Variants in PRKN observed in about 807,000 individuals in gnomAD.
PRKN encodes the protein E3 ubiquitin-protein ligase parkin.
A neutral mutation model predicts 59.5 loss-of-function variants in PRKN; 56 were observed. The ratio of observed to expected loss-of-function variants is 0.94; its 90% confidence interval spans 0.76 to 1.18. The LOEUF (loss-of-function observed/expected upper bound fraction) is 1.18. Among genes scored for constraint, PRKN ranks in the 50% most tolerant of loss-of-function variants. PRKN has a pLI of 0.00. For synonymous variants in PRKN, 250 were observed against 222.1 expected, an observed-to-expected ratio of 1.13 and a Z score of -1.12; for missense variants, 657 against 596.4, an observed-to-expected ratio of 1.10 and a Z score of -1.06.
At chr6:162,424,660 G>A (rs550692436) in intron 2 of PRKN, among the ~76,000 whole-genome samples, 11 of 151,744 alleles carry the variant, frequency 7.2e-5, no homozygotes, top group East Asian at 3.9e-4. Flanking sequence ...GCTTGAACCC[G>A]GGAGGTGGAG....
At chr6:162,474,768 G>C (rs975504220) in intron 1 of PRKN, among the ~76,000 whole-genome samples, 1 of 152,134 alleles carries the variant, frequency 6.6e-6, no homozygotes, top group Non-Finnish European at 1.5e-5. Context: ...TGAATATCAA[G>C]TGATCAGAAA....
At chr6:162,452,647 T>C (rs1290138730) in intron 1 of PRKN, among the ~76,000 whole-genome samples, 1 of 151,786 alleles carries the variant, frequency 6.6e-6, no homozygotes, top group Non-Finnish European at 1.5e-5. Flanking sequence ...AATATTGAAA[T>C]AATCCTTCCA....
At chr6:161,862,400 C>T (rs1344336390) in intron 6 of PRKN, among the ~76,000 whole-genome samples, 2 of 152,186 alleles carry the variant, frequency 1.3e-5, no homozygotes, top group African/African-American at 4.8e-5. Context: ...GTGGTGAAAG[C>T]AGTTTTCCTT....
At chr6:161,861,598 T>A (rs1488383583) in intron 6 of PRKN, among the ~76,000 whole-genome samples, 2 of 120,410 alleles carry the variant, frequency 1.7e-5, no homozygotes, top group East Asian at 2.5e-4. Flanking sequence ...TAAAATTTTT[T>A]TAAAAAGTAT....
At chr6:162,083,081 A>C (rs1345438839) in intron 4 of PRKN, among the ~76,000 whole-genome samples, 1 of 151,896 alleles carries the variant, frequency 6.6e-6, no homozygotes, top group Non-Finnish European at 1.5e-5. Flanking sequence ...CAGCCTCCCA[A>C]GTAGCTTGGA....
At chr6:161,500,884 T>C (rs1025044215) in intron 9 of PRKN, among the ~76,000 whole-genome samples, 14 of 148,646 alleles carry the variant, frequency 9.4e-5, no homozygotes, top group African/African-American at 3.5e-4. Context: ...TTCTTTTTTT[T>C]TTTTTTTTTG....
chr6:161,447,399 T>C lies in PRKN; in HGVS notation c.1084-60522A>G, dbSNP rs1352209994. Among the ~76,000 whole-genome samples, 1 of 152,242 alleles carries C rather than the reference T, an allele frequency of 6.6e-6. No homozygotes were observed. The highest frequency in any genetic ancestry group is 2.4e-5 in the African/African-American group (1 of 41,470). On this transcript the variant is annotated intron_variant, in intron 9 of 11. Coordinates refer to ENST00000366898, the MANE Select transcript of PRKN (RefSeq NM_004562.3). The surrounding 1 kb of genome is among the most constrained non-coding windows in gnomAD (Gnocchi z 4.1). Reference sequence around the variant, plus strand: ...ATTTACATTTTGATTTAGTTATAAATAACTTTTCTTCTGTGTATTGGTTTA... The same window carrying C: ...ATTTACATTTTGATTTAGTTATAAACAACTTTTCTTCTGTGTATTGGTTTA...
At chr6:162,602,975 A>C (rs1429132162) in intron 1 of PRKN, among the ~76,000 whole-genome samples, 2 of 152,144 alleles carry the variant, frequency 1.3e-5, no homozygotes, top group African/African-American at 4.8e-5. Flanking sequence ...GACATTACCC[A>C]TCACAAGGAC....
At chr6:162,478,291 T>C (rs1792125385) in intron 1 of PRKN, among the ~76,000 whole-genome samples, 1 of 152,164 alleles carries the variant, frequency 6.6e-6, no homozygotes, top group Non-Finnish European at 1.5e-5. Flanking sequence ...CTGTTGAAAG[T>C]GACTCTGGCT....
chr6:161,764,446 T>C (rs1445454913), intron 7 of PRKN, among the ~76,000 whole-genome samples: 1 of 152,224 alleles, frequency 6.6e-6, no homozygotes, highest in Non-Finnish European at 1.5e-5. Context: ...CAACCGTCTT[T>C]GTTTTTACTT....
intron 3 of PRKN, among the ~76,000 whole-genome samples, chr6:162,205,896 C>T (rs1784914854): frequency 6.6e-6 from 1 of 152,138 alleles, no homozygotes; most frequent in South Asian, 2.1e-4. Context: ...AGCTACCAAA[C>T]TAGAAAGCAC....
chr6:162,579,464 TCA>T (rs1469237533), intron 1 of PRKN, among the ~76,000 whole-genome samples: 1 of 151,552 alleles, frequency 6.6e-6, no homozygotes, highest in African/African-American at 2.4e-5. Context: ...ACACCCACTT[TCA>T]CACACATATC....
intron 6 of PRKN, among the ~76,000 whole-genome samples, chr6:161,859,541 T>C (rs1247854486): frequency 6.9e-6 from 1 of 144,590 alleles, no homozygotes; most frequent in Non-Finnish European, 1.5e-5. Context: ...AATCAGGGAG[T>C]TGGAGGTTTC....
At chr6:162,509,946 C>T (rs570466499) in intron 1 of PRKN, among the ~76,000 whole-genome samples, 27 of 152,142 alleles carry the variant, frequency 1.8e-4, no homozygotes, top group Admixed American at 1.2e-3. Context: ...AGGCAACTCC[C>T]ATTTGGCATG....
At chr6:162,647,714 T>G (rs1778238562) in intron 1 of PRKN, among the ~76,000 whole-genome samples, 1 of 152,072 alleles carries the variant, frequency 6.6e-6, no homozygotes, top group African/African-American at 2.4e-5. Flanking sequence ...CCAGAGTTTG[T>G]AGTAATTCCT....
chr6:162,552,354 CTG>C (rs1303336256), intron 1 of PRKN, among the ~76,000 whole-genome samples: 1 of 152,054 alleles, frequency 6.6e-6, no homozygotes, highest in Non-Finnish European at 1.5e-5. Flanking sequence ...ACCTTGAACA[CTG>C]TATGAGCGGG....
intron 7 of PRKN, among the ~76,000 whole-genome samples, chr6:161,678,215 A>C (rs1360543319): frequency 4.6e-5 from 4 of 86,334 alleles, no homozygotes; most frequent in Non-Finnish European, 6.2e-5. Flanking sequence ...ATACTGAATC[A>C]CTTTTTTTTT....
chr6:161,771,033 A>C (rs966746827), intron 7 of PRKN, among the ~76,000 whole-genome samples: 1 of 152,062 alleles, frequency 6.6e-6, no homozygotes, highest in African/African-American at 2.4e-5. Flanking sequence ...GGGCTGCGGT[A>C]TTTTGTAATA....
chr6:162,533,970 CAAAA>C (rs139214272), intron 1 of PRKN, among the ~76,000 whole-genome samples: 1 of 82,924 alleles, frequency 1.2e-5, no homozygotes. Context: ...GACTCCATCT[CAAAA>C]AAAAAAAAAA....
Sources: allele counts gnomAD v4.1 joint callset (sites outside exome capture counted in the v4.1 genomes callset), GRCh38; gene constraint gnomAD v4.1.1; non-coding constraint Gnocchi (gnomAD v3.1); transcripts MANE v1.5; gene names NCBI Gene and HGNC (gene_info 2026-07-23, HGNC 2026-07-21).